Variants in GPLD1 observed in about 807,000 individuals in gnomAD.
GPLD1 encodes the protein glycosylphosphatidylinositol specific phospholipase D1, also known as phosphatidylinositol-glycan-specific phospholipase D.
A neutral mutation model predicts 112.6 loss-of-function variants in GPLD1; 84 were observed. That is an observed-to-expected ratio of 0.75 (90% CI 0.63 to 0.89). The LOEUF (loss-of-function observed/expected upper bound fraction) is 0.89, where lower values mean the gene tolerates loss of function less well. GPLD1 is among the 40% of genes least tolerant of loss of function. The pLI is 0.00. For missense variants in GPLD1, 1,044 were observed against 1,051.5 expected, an observed-to-expected ratio of 0.99 and a Z score of 0.10; for synonymous variants, 386 against 403.8, an observed-to-expected ratio of 0.96 and a Z score of 0.53.
chr6:24,445,001 C>T (rs1762860756), intron 20 of GPLD1, among the ~76,000 whole-genome samples: 1 of 151,614 alleles, frequency 6.6e-6, no homozygotes, highest in African/African-American at 2.4e-5. Context: ...CTTTGAAACA[C>T]AAATTTTATT....
upstream of GPLD1, among the ~76,000 whole-genome samples, chr6:24,492,033 T>A (rs1012138838): frequency 6.6e-6 from 1 of 152,152 alleles, no homozygotes; most frequent in Non-Finnish European, 1.5e-5. Flanking sequence ...ACACCCCCCT[T>A]TCCTAATATA....
intron 7 of GPLD1, among the ~76,000 whole-genome samples, chr6:24,469,975 G>T (rs1449568517): frequency 6.6e-6 from 1 of 152,040 alleles, no homozygotes; most frequent in Non-Finnish European, 1.5e-5. Flanking sequence ...TTTTTTAAAT[G>T]AATCACCAAG....
Position 24,466,531 on chromosome 6 carries a change from C to G in GPLD1, c.821+149G>C, listed in dbSNP as rs1763622671. 3.4e-5 allele frequency: 21 copies of G among 624,154 alleles called. 1 individual carries two copies. In the South Asian group the frequency reaches 5.0e-4, roughly 15 times the overall value. 38.7% of individuals were successfully genotyped at this position (624,154 alleles called of 1,614,324 possible). ...TTTATAAGATCACTGAGTTTCCATTCTTTCCCTCTTTGAATAGGTTAGAAA... is the reference window on the plus strand; with the variant it reads ...TTTATAAGATCACTGAGTTTCCATTGTTTCCCTCTTTGAATAGGTTAGAAA... On this transcript the variant is annotated intron_variant, in intron 10 of 24. Transcript: ENST00000230036.
chr6:24,456,308 A>C (rs142154365), intron 13 of GPLD1, among the ~76,000 whole-genome samples, 190 bp downstream of exon 13: 254 of 152,260 alleles, frequency 1.7e-3, no homozygotes, highest in African/African-American at 5.9e-3. Flanking sequence ...TGAGGCAGAG[A>C]ATCACTTGAA....
At position 24,479,989 on chromosome 6, in the gene GPLD1, G is replaced by A. The variant is rs756039132; in HGVS notation, c.154-30C>T. The A allele has an allele frequency of 5.7e-6, 8 of 1,414,336 alleles. No individual in the cohort carries two copies. In the South Asian group the frequency reaches 8.0e-5, roughly 14 times the overall value. 87.6% of individuals were successfully genotyped at this position (1,414,336 alleles called of 1,614,324 possible). A position where few individuals can be genotyped will look rare whatever the true frequency, so the allele number is the denominator to read the frequency against. ...AGAGCAAGAAAATACAGAGATTAAG[G>A]GGCAGGAGTCAACAGCCTGGGGAGT... On this transcript the variant is annotated intron_variant, in intron 2 of 24. Coordinates refer to ENST00000230036, the MANE Select transcript of GPLD1 (RefSeq NM_001503.4).
At chr6:24,481,396 G>A (rs961366127) in intron 2 of GPLD1, among the ~76,000 whole-genome samples, 1 of 150,426 alleles carries the variant, frequency 6.6e-6, no homozygotes, top group Non-Finnish European at 1.5e-5. Flanking sequence ...CCATATATAG[G>A]TGCAACAAAG....
intron 20 of GPLD1, 116 bp downstream of exon 20, chr6:24,445,430 G>C (rs1215612969): frequency 1.5e-6 from 1 of 675,916 alleles, no homozygotes; most frequent in Non-Finnish European, 2.6e-6. Flanking sequence ...AATGAAAAAA[G>C]GAAATATTGA....
At chr6:24,440,393 G>A (rs1156876213) in intron 20 of GPLD1, among the ~76,000 whole-genome samples, 1 of 152,084 alleles carries the variant, frequency 6.6e-6, no homozygotes, top group African/African-American at 2.4e-5. Flanking sequence ...ACAGTGAGCT[G>A]TGATCACACC....
At chr6:24,450,920 C>CGAGA (rs1763059461) in intron 14 of GPLD1, among the ~76,000 whole-genome samples, 1 of 152,014 alleles carries the variant, frequency 6.6e-6, no homozygotes, top group Non-Finnish European at 1.5e-5. Flanking sequence ...TGCAGTGAGC[C>CGAGA]GAGATCATGC....
downstream of GPLD1, chr6:24,424,784 C>T (rs1762172462): frequency 6.6e-6 from 1 of 152,190 alleles, no homozygotes. Context: ...AGAATAAATA[C>T]ACTTACCCTG....
At chr6:24,465,298 G>A (rs1763568917) in intron 10 of GPLD1, among the ~76,000 whole-genome samples, 1 of 151,948 alleles carries the variant, frequency 6.6e-6, no homozygotes, top group Non-Finnish European at 1.5e-5. Flanking sequence ...CCAGCACTTT[G>A]GGAGTCTGAG....
At chr6:24,446,766 G>A (rs1762922416) in intron 18 of GPLD1, 72 bp downstream of exon 18, 4 of 1,447,338 alleles carry the variant, frequency 2.8e-6, no homozygotes, top group Non-Finnish European at 3.8e-6. Flanking sequence ...TCAGCCTCAT[G>A]CTCAGTGCGC....
intron 22 of GPLD1, among the ~76,000 whole-genome samples, chr6:24,435,082 A>G (rs1170734423): frequency 6.9e-6 from 1 of 143,962 alleles, no homozygotes; most frequent in Non-Finnish European, 1.5e-5. Context: ...CATGATCTCG[A>G]CTCACTGCAA....
At chr6:24,429,580 C>T (rs77948206) in intron 24 of GPLD1, among the ~76,000 whole-genome samples, 18,239 of 152,180 alleles carry the variant, frequency 0.12, 1,431 homozygotes, top group East Asian at 0.16. Context: ...CAGAGTCTTG[C>T]CCTGTCACCC....
At chr6:24,482,834 A>G (rs1314769327) in intron 2 of GPLD1, among the ~76,000 whole-genome samples, 1 of 152,048 alleles carries the variant, frequency 6.6e-6, no homozygotes, top group Non-Finnish European at 1.5e-5. Flanking sequence ...TGGTGCAGCT[A>G]CTTGGGAGGC....
At chr6:24,479,787 A>G (rs1764140010) in intron 3 of GPLD1, 94 bp downstream of exon 3, 8 of 665,012 alleles carry the variant, frequency 1.2e-5, no homozygotes, top group Non-Finnish European at 7.9e-6. Flanking sequence ...TTAAAAATAT[A>G]TTGTACACAC....
chr6:24,440,804 T>C (rs1169505797), intron 20 of GPLD1, among the ~76,000 whole-genome samples: 2 of 151,560 alleles, frequency 1.3e-5, no homozygotes, highest in African/African-American at 4.8e-5. Flanking sequence ...GGTAGGTAGG[T>C]AGGCAGATAT....
chr6:24,429,682 A>G (rs793681), intron 24 of GPLD1, among the ~76,000 whole-genome samples: 110,695 of 152,032 alleles, frequency 0.73, 41,500 homozygotes, highest in Non-Finnish European at 0.83. Context: ...CGAGTAGCGG[A>G]GATTACAGGC....
At position 24,456,269 on chromosome 6, in the gene GPLD1, C is replaced by T. The variant is rs772980031; in HGVS notation, c.1148+229G>A. ...TAAAAATTAGCCAGGCATGGTGGCG[C>T]GCACCTGTAACCCCAGCTACTGGGA... is the stretch of plus-strand genomic sequence containing the variant. On this transcript the variant is annotated intron_variant, in intron 13 of 24. Transcript: ENST00000230036. Among the ~76,000 whole-genome samples the T allele has an allele frequency of 3.1e-4, 47 of 151,920 alleles. 1 individual carries two copies. Among genetic ancestry groups the T allele is most frequent in the Middle Eastern group, 3.2e-3 (1 of 316 alleles).
Sources: gnomAD v4.1 joint callset for allele counts (sites outside exome capture counted in the v4.1 genomes callset) on GRCh38, gnomAD v4.1.1 for gene constraint, MANE v1.5 for transcripts, NCBI Gene and HGNC (gene_info 2026-07-23, HGNC 2026-07-21) for gene names.